Variants in COG2 observed in about 807,000 individuals in gnomAD.
COG2 encodes conserved oligomeric Golgi complex subunit 2.
COG2 carries 52 observed loss-of-function variants against 90.6 expected under a neutral mutation model. That is an observed-to-expected ratio of 0.57 (90% CI 0.46 to 0.72). The LOEUF is 0.72. Among genes scored for constraint, COG2 ranks in the 30% least tolerant of loss-of-function variants. The pLI, the probability that COG2 is intolerant of heterozygous loss-of-function variation, is 0.00. For synonymous variants in COG2, 337 were observed against 320.4 expected, an observed-to-expected ratio of 1.05 and a Z score of -0.55; for missense variants, 829 against 891.2, an observed-to-expected ratio of 0.93 and a Z score of 0.89.
At position 230,672,303 on chromosome 1, in the gene COG2, G is replaced by A. The variant is rs149898931; in HGVS notation, c.899+663G>A. 1.2e-3 allele frequency among the ~76,000 whole-genome samples: 190 copies of A among 152,288 alleles called. No homozygotes were observed. The East Asian group carries it at 0.014, about 11-fold the overall frequency. ...GCATGGAGGAAGATCCAGGCTTCTC[G>A]AAGCAGGGCATGAGGCCCTTTTTGT... On this transcript the variant is annotated intron_variant, in intron 8 of 17. Coordinates refer to ENST00000366669, the MANE Select transcript of COG2 (RefSeq NM_007357.3).
Position 230,691,472 on chromosome 1 carries a change from C to G in COG2, c.2023C>G (p.Pro675Ala). 3.1e-6 allele frequency: 5 copies of G among 1,614,116 alleles called. No individual in the cohort carries two copies. The highest frequency in any genetic ancestry group is 4.2e-6 in the Non-Finnish European group (5 of 1,180,036). ...GCTGAAACAAGCCAGAAAAACCACTCCCGCCAACCCCGTCGGTCCCAGTGG... is the reference window on the plus strand; with the variant it reads ...GCTGAAACAAGCCAGAAAAACCACTGCCGCCAACCCCGTCGGTCCCAGTGG... The part of the protein sequence containing the change: ...KRLKQARKTT[P>A]ANPVGPSGGM... Residue 675 changes from proline to alanine, a missense_variant, in exon 17 of 18, where the codon CCC (proline) becomes GCC (alanine). Coordinates refer to ENST00000366669, the MANE Select transcript of COG2 (RefSeq NM_007357.3).
chr1:230,685,412 C>T (rs771424048), intron 12 of COG2, among the ~76,000 whole-genome samples, 176 bp downstream of exon 12: 7 of 152,122 alleles, frequency 4.6e-5, no homozygotes, highest in Non-Finnish European at 7.3e-5. Flanking sequence ...TTTACTCCTG[C>T]GAGCATTGCA....
At chr1:230,661,214 T>A (rs1226294752) in intron 3 of COG2, 1 of 153,664 alleles carries the variant, frequency 6.5e-6, no homozygotes, top group Non-Finnish European at 1.4e-5. Flanking sequence ...ATTTTATATA[T>A]TGTTAGGTTT....
In COG2 at chr1:230,642,540, G is replaced by A; in HGVS notation, c.-67G>A. On this transcript the variant is annotated 5_prime_UTR_variant, in exon 1 of 18. Transcript: ENST00000366669. ...AACTGGCGGTGGCCGCGGCCGCCGA[G>A]TCGGTCTGCGCAGCCTCCTGCGTTT... The A allele has an allele frequency of 2.0e-6, 3 of 1,516,110 alleles. No individual in the cohort carries two copies. The highest frequency in any genetic ancestry group is 4.8e-5 in the East Asian group (2 of 41,528). The allele number at this position is 1,516,110 out of a possible 1,614,324, so 93.9% of individuals were successfully genotyped here.
In COG2 at chr1:230,671,535, T is replaced by A. The variant is rs989443298; in HGVS notation, c.794T>A (p.Val265Asp). The change falls in exon 8 of 18, where the codon GTT (valine) becomes GAT (aspartate). Residue 265 changes from valine to aspartate, a missense_variant. Val to Asp is a radical substitution (Grantham distance 152). Coordinates refer to ENST00000366669, the MANE Select transcript of COG2 (RefSeq NM_007357.3). ...TAATAGGTGATTATAGAGCAGTTTGTTGAATCTCATCCCAATGGCCTTCAG... is the reference window on the plus strand; with the variant it reads ...TAATAGGTGATTATAGAGCAGTTTGATGAATCTCATCCCAATGGCCTTCAG... Reference protein sequence around the residue: ...YIDEVIIEQFVESHPNGLQVM... With the variant: ...YIDEVIIEQFDESHPNGLQVM... The A allele has an allele frequency of 6.2e-7, 1 of 1,613,178 alleles. No individual in the cohort carries two copies. The highest frequency in any genetic ancestry group is 1.3e-5 in the African/African-American group (1 of 74,980).
intron 1 of COG2, chr1:230,643,021 G>A (rs940498351): frequency 7.3e-6 from 2 of 274,052 alleles, no homozygotes; most frequent in Middle Eastern, 2.0e-3. Context: ...TGTGGACCGG[G>A]GCCTTGGAGC....
chr1:230,668,600 C>G, intron 5 of COG2, 76 bp from the exon 6 acceptor site: 1 of 851,558 alleles, frequency 1.2e-6, no homozygotes, highest in Non-Finnish European at 1.8e-6. Flanking sequence ...AAGTCTCTCA[C>G]TGCCAGGCGT....
At chr1:230,667,675 G>A (rs572948302) in intron 5 of COG2, among the ~76,000 whole-genome samples, 1 of 152,074 alleles carries the variant, frequency 6.6e-6, no homozygotes, top group South Asian at 2.1e-4. Flanking sequence ...TCCCTTTTTG[G>A]TTGGTCACAC....
At chr1:230,664,887 C>T (rs1290969290) in intron 5 of COG2, among the ~76,000 whole-genome samples, 1 of 152,154 alleles carries the variant, frequency 6.6e-6, no homozygotes, top group Non-Finnish European at 1.5e-5. Context: ...AGTGAAATCC[C>T]TACTGACCTT....
chr1:230,647,902 T>G (rs1661829596), intron 1 of COG2, among the ~76,000 whole-genome samples: 1 of 152,186 alleles, frequency 6.6e-6, no homozygotes, highest in Non-Finnish European at 1.5e-5. Flanking sequence ...TGTGGAATGC[T>G]CGGATACAGA....
chr1:230,693,145 C>A (rs1663077681), intron 17 of COG2, 147 bp from the exon 18 acceptor site: 1 of 520,388 alleles, frequency 1.9e-6, no homozygotes, highest in Non-Finnish European at 3.5e-6. Context: ...ACAAGTAAAT[C>A]CTTTGCTCTA....
At chr1:230,657,143 A>T (rs942940218) in intron 1 of COG2, among the ~76,000 whole-genome samples, 5 of 152,122 alleles carry the variant, frequency 3.3e-5, no homozygotes, top group African/African-American at 9.7e-5. Context: ...CTGTTAGTTG[A>T]TGCAGTTTCT....
At chr1:230,652,514 A>G (rs1418706458) in intron 1 of COG2, among the ~76,000 whole-genome samples, 2 of 152,248 alleles carry the variant, frequency 1.3e-5, no homozygotes, top group Non-Finnish European at 1.5e-5. Flanking sequence ...TGCTATAAAC[A>G]TTCACGTGCA....
intron 1 of COG2, among the ~76,000 whole-genome samples, chr1:230,646,798 CAGATGTTATCAAGGAGTCATCCT>C (rs1661797783): frequency 6.6e-6 from 1 of 152,062 alleles, no homozygotes; most frequent in Non-Finnish European, 1.5e-5. Context: ...GGTTGTGAGT[CAGATGTTATCAAGGAGTCATCCT>C]TGATAACACC....
chr1:230,674,567 G>A (rs1206010896), intron 8 of COG2, among the ~76,000 whole-genome samples: 1 of 152,190 alleles, frequency 6.6e-6, no homozygotes, highest in African/African-American at 2.4e-5. Context: ...TAAATACAAA[G>A]CTGTTAGTAA....
Position 230,693,592 on chromosome 1 carries a change from T to C in COG2, c.*199T>C, listed in dbSNP as rs1313121698. 2.3e-6 allele frequency: 1 copy of C among 441,016 alleles called. No individual in the cohort carries two copies. The highest frequency in any genetic ancestry group is 4.0e-6 in the Non-Finnish European group (1 of 247,662). 27.3% of individuals were successfully genotyped at this position (441,016 alleles called of 1,614,324 possible). ...TTGCCCAAAAGAACACAAAAGCCTT[T>C]TTCCATTGTATGGAAGATAGTTTTT... On this transcript the variant is annotated 3_prime_UTR_variant, in exon 18 of 18. Transcript: ENST00000366669.
intron 1 of COG2, among the ~76,000 whole-genome samples, chr1:230,658,266 A>G (rs1332552065): frequency 6.6e-6 from 1 of 151,800 alleles, no homozygotes; most frequent in East Asian, 1.9e-4. Context: ...TGGACATGCT[A>G]TTCCTTTCTG....
chr1:230,652,109 C>G (rs532878620), intron 1 of COG2, among the ~76,000 whole-genome samples: 1 of 152,352 alleles, frequency 6.6e-6, no homozygotes, highest in African/African-American at 2.4e-5. Context: ...CATGTATCCA[C>G]TATTACAGTA....
chr1:230,685,899 C>G (rs1049725887), intron 12 of COG2, among the ~76,000 whole-genome samples: 1 of 152,044 alleles, frequency 6.6e-6, no homozygotes, highest in South Asian at 2.1e-4. Flanking sequence ...AACCAGTCAT[C>G]GCAGTGTGAG....
Sources: allele counts gnomAD v4.1 joint callset (sites outside exome capture counted in the v4.1 genomes callset), GRCh38; gene constraint gnomAD v4.1.1; transcripts MANE v1.5; gene names NCBI Gene and HGNC (gene_info 2026-07-23, HGNC 2026-07-21).